The following CCDC171 variants were observed in gnomAD, a reference collection of about 807,000 sequenced individuals.
CCDC171 encodes the protein coiled-coil domain containing 171.
A neutral mutation model predicts 168.2 loss-of-function variants in CCDC171; 177 were observed. The ratio of observed to expected loss-of-function variants is 1.05; its 90% CI spans 0.93 to 1.19. The LOEUF (loss-of-function observed/expected upper bound fraction) is 1.19, where lower values mean the gene tolerates loss of function less well. CCDC171 is among the 50% of genes most tolerant of loss of function. CCDC171 has a pLI of 0.00. For synonymous variants in CCDC171, 687 were observed against 540.8 expected, an observed-to-expected ratio of 1.27 and a Z score of -3.75; for missense variants, 1,991 against 1,539.0, an observed-to-expected ratio of 1.29 and a Z score of -4.91.
chr9:15,846,192 A>C (rs1374295325), intron 21 of CCDC171, among the ~76,000 whole-genome samples: 1 of 152,078 alleles, frequency 6.6e-6, no homozygotes, highest in African/African-American at 2.4e-5. Context: ...GTCTATAGCC[A>C]CCTAACTATA....
intron 21 of CCDC171, among the ~76,000 whole-genome samples, chr9:15,804,152 G>T (rs1342010952): frequency 6.6e-6 from 1 of 151,964 alleles, no homozygotes. Context: ...GGGTTTTCTA[G>T]GTATAGAATT....
intron 18 of CCDC171, among the ~76,000 whole-genome samples, chr9:15,767,454 C>G (rs2056782724): frequency 6.6e-6 from 1 of 152,104 alleles, no homozygotes; most frequent in Non-Finnish European, 1.5e-5. Context: ...CTTGAATAAT[C>G]CAAGATAATC....
rs535601844 is a variant in CCDC171 at position 16,025,327 on chromosome 9, A to G, written n.998+2419A>G. On this transcript the variant is annotated intron_variant and non_coding_transcript_variant, in intron 6 of 9. Transcript: ENST00000486641. ...TGTGGTCATGTGCGCCTGTAATCCC[A>G]GCTACTCGGGAGGCTGAGGCAGGAG... Among the ~76,000 whole-genome samples, 18 of 152,292 alleles carry G rather than the reference A, an allele frequency of 1.2e-4. 1 individual carries two copies. The highest frequency in any genetic ancestry group is 4.3e-4 in the African/African-American group (18 of 41,574).
chr9:15,895,176 C>A (rs1484503171), intron 24 of CCDC171, among the ~76,000 whole-genome samples: 2 of 152,020 alleles, frequency 1.3e-5, no homozygotes, highest in East Asian at 3.9e-4. Flanking sequence ...CTAAATAATT[C>A]CTGTTTTTCA....
At chr9:15,873,040 C>G (rs1179013307) in intron 23 of CCDC171, among the ~76,000 whole-genome samples, 1 of 151,978 alleles carries the variant, frequency 6.6e-6, no homozygotes, top group Non-Finnish European at 1.5e-5. Flanking sequence ...GTGGTACTCA[C>G]ATCATTATAA....
intron 21 of CCDC171, among the ~76,000 whole-genome samples, chr9:15,839,832 A>G (rs9406545): frequency 0.51 from 77,887 of 152,006 alleles, 20,365 homozygotes; most frequent in Non-Finnish European, 0.56. Flanking sequence ...TAAAATTAAT[A>G]TAGAAATCAG....
At chr9:15,576,417 G>C (rs1361131116) in intron 3 of CCDC171, among the ~76,000 whole-genome samples, 1 of 151,924 alleles carries the variant, frequency 6.6e-6, no homozygotes, top group African/African-American at 2.4e-5. Context: ...CAAACTCCTA[G>C]CCTCAAGCAA....
At chr9:15,905,872 C>T (rs1253159097) in intron 24 of CCDC171, among the ~76,000 whole-genome samples, 1 of 152,142 alleles carries the variant, frequency 6.6e-6, no homozygotes, top group Non-Finnish European at 1.5e-5. Flanking sequence ...ATACAAACTG[C>T]CATCAGAGAA....
At chr9:15,623,509 A>T in intron 7 of CCDC171, 96 bp downstream of exon 7, 1 of 646,438 alleles carries the variant, frequency 1.5e-6, no homozygotes, top group East Asian at 3.3e-5. Flanking sequence ...ACACACACAT[A>T]AAACCCATTC....
chr9:15,999,053 A>T (rs532053549), intron 3 of CCDC171, among the ~76,000 whole-genome samples: 26 of 151,064 alleles, frequency 1.7e-4, no homozygotes, highest in Admixed American at 6.6e-5. Flanking sequence ...GGCAGCATAC[A>T]TTTTTTTTTA....
chr9:15,723,610 C>G, intron 12 of CCDC171, 71 bp from the exon 13 acceptor site: 2 of 1,040,248 alleles, frequency 1.9e-6, no homozygotes, highest in South Asian at 1.4e-5. Flanking sequence ...TTTGAGTTAC[C>G]CATCCTTGAA....
At chr9:16,001,021 G>C (rs558608081) in intron 3 of CCDC171, among the ~76,000 whole-genome samples, 1 of 152,240 alleles carries the variant, frequency 6.6e-6, no homozygotes, top group South Asian at 2.1e-4. Flanking sequence ...ATGATTGGCT[G>C]ATTCACAGTA....
intron 3 of CCDC171, among the ~76,000 whole-genome samples, chr9:16,013,344 A>G (rs1251796657): frequency 1.3e-5 from 2 of 152,146 alleles, no homozygotes; most frequent in Non-Finnish European, 2.9e-5. Context: ...CATCTCTCTT[A>G]TAGTTAGCTG....
At chr9:16,090,965 TC>T in the CCDC171 span, among the ~76,000 whole-genome samples, 2 of 152,198 alleles carry the variant, frequency 1.3e-5, no homozygotes, top group African/African-American at 4.8e-5. Flanking sequence ...TTTTCCACCC[TC>T]TTTCTTCATT....
intron 9 of CCDC171, 23 bp from the exon 10 acceptor site, chr9:15,678,735 G>C: frequency 6.4e-7 from 1 of 1,570,522 alleles, no homozygotes; most frequent in Non-Finnish European, 8.6e-7. Flanking sequence ...TGAAAAACCT[G>C]CTCTGACACT....
At chr9:15,937,900 A>C (rs1023330023) in intron 25 of CCDC171, among the ~76,000 whole-genome samples, 2 of 151,962 alleles carry the variant, frequency 1.3e-5, no homozygotes, top group African/African-American at 4.8e-5. Flanking sequence ...GTTAAGAGTT[A>C]ATACATAGAT....
intron 11 of CCDC171, 91 bp from the exon 12 acceptor site, chr9:15,721,678 C>T: frequency 1.9e-6 from 1 of 526,470 alleles, no homozygotes; most frequent in Admixed American, 3.1e-5. Context: ...CTTTTCAGCT[C>T]TACCTAATTG....
chr9:15,933,701 C>T (rs1322537650), intron 25 of CCDC171, among the ~76,000 whole-genome samples: 5 of 151,786 alleles, frequency 3.3e-5, no homozygotes, highest in African/African-American at 1.2e-4. Context: ...TCTCATTTGT[C>T]TCAGAAAATT....
At chr9:15,921,612 A>G (rs1463571292) in intron 25 of CCDC171, among the ~76,000 whole-genome samples, 3 of 151,600 alleles carry the variant, frequency 2.0e-5, no homozygotes, top group Non-Finnish European at 4.4e-5. Context: ...ATAAATATTT[A>G]TTGAGTGAAA....
Sources: allele counts gnomAD v4.1 joint callset (sites outside exome capture counted in the v4.1 genomes callset), GRCh38; gene constraint gnomAD v4.1.1; transcripts MANE v1.5; gene names NCBI Gene and HGNC (gene_info 2026-07-23, HGNC 2026-07-21).